The following CAMK2D variants were observed in gnomAD, a reference collection of about 807,000 sequenced individuals.
The protein encoded by CAMK2D is calcium/calmodulin-dependent protein kinase type II subunit delta.
CAMK2D carries 37 observed loss-of-function variants against 84.0 expected under a neutral mutation model. The observed-to-expected ratio is 0.44, with a 90% CI of 0.34 to 0.58. The LOEUF is 0.58. Ranked by LOEUF, CAMK2D falls within the 20% of genes least tolerant of loss-of-function variation. The pLI is 0.02. For synonymous variants in CAMK2D, 202 were observed against 212.5 expected (o/e 0.95, Z 0.43); for missense variants, 448 against 652.5 (o/e 0.69, Z 3.41).
At chr4:113,583,776 A>G (rs2098821769) in intron 4 of CAMK2D, among the ~76,000 whole-genome samples, 1 of 152,208 alleles carries the variant, frequency 6.6e-6, no homozygotes, top group South Asian at 2.1e-4. Flanking sequence ...TTCATATTAC[A>G]CACACATGTA....
chr4:113,644,938 C>T (rs1251972575), intron 3 of CAMK2D, among the ~76,000 whole-genome samples: 1 of 152,152 alleles, frequency 6.6e-6, no homozygotes. Flanking sequence ...GAAACTATAG[C>T]TCAATTGCCA....
intron 4 of CAMK2D, among the ~76,000 whole-genome samples, chr4:113,567,168 C>CCTT (rs2098729220): frequency 7.7e-6 from 1 of 129,388 alleles, no homozygotes; most frequent in Admixed American, 9.1e-5. Context: ...TTTTCTTTTC[C>CCTT]TTTTTTTTTT....
chr4:113,458,809 G>C (rs1394953773), intron 18 of CAMK2D, among the ~76,000 whole-genome samples: 1 of 152,178 alleles, frequency 6.6e-6, no homozygotes, highest in Non-Finnish European at 1.5e-5. Context: ...TACTGAAAGT[G>C]ATGTGATTAT....
intron 4 of CAMK2D, among the ~76,000 whole-genome samples, chr4:113,606,032 T>C (rs62315023): frequency 0.07 from 10,681 of 152,176 alleles, 469 homozygotes; most frequent in Non-Finnish European, 0.096. Context: ...TACGGATTTT[T>C]AATCAGCCAT....
chr4:113,466,972 C>A (rs2097481277), intron 16 of CAMK2D, among the ~76,000 whole-genome samples: 1 of 152,110 alleles, frequency 6.6e-6, no homozygotes, highest in Admixed American at 6.6e-5. Context: ...TCTTGTATAG[C>A]CTAAAAAGCT....
rs532795233 is a variant in CAMK2D, at chr4:113,660,697, A to G, written c.220+1016T>C. Among the ~76,000 whole-genome samples the G allele has an allele frequency of 1.9e-4, 28 of 151,112 alleles. 1 individual carries two copies. The South Asian group carries it at 5.9e-3, about 32-fold the overall frequency. On this transcript the variant is annotated intron_variant, in intron 3 of 20. Coordinates refer to ENST00000511664, the MANE Select transcript of CAMK2D (RefSeq NM_001321571.2). ...TAAACCACCGCACCTGGCCTAAAGT[A>G]AACTTTCTACAGGATATATGGAATG...
At chr4:113,638,622 T>C (rs966038970) in intron 3 of CAMK2D, among the ~76,000 whole-genome samples, 1 of 152,100 alleles carries the variant, frequency 6.6e-6, no homozygotes, top group Non-Finnish European at 1.5e-5. Flanking sequence ...ATAGAGGAAT[T>C]TCACTCTCAG....
chr4:113,647,964 G>C (rs141857898), intron 3 of CAMK2D, among the ~76,000 whole-genome samples: 1 of 152,128 alleles, frequency 6.6e-6, no homozygotes, highest in Admixed American at 6.5e-5. Context: ...TGCACATTTG[G>C]CACTACAACT....
chr4:113,654,127 ATC>A (rs913038720), intron 3 of CAMK2D, among the ~76,000 whole-genome samples: 2 of 152,038 alleles, frequency 1.3e-5, no homozygotes, highest in Non-Finnish European at 2.9e-5. Flanking sequence ...TGTGTTTTTC[ATC>A]TCTTTTTAGA....
At chr4:113,670,287 A>C (rs2099274943) in intron 2 of CAMK2D, among the ~76,000 whole-genome samples, 1 of 150,200 alleles carries the variant, frequency 6.7e-6, no homozygotes, top group African/African-American at 2.5e-5. Context: ...GTCTCAAAAA[A>C]TAAATAAATA....
chr4:113,454,086 TA>T lies in CAMK2D; in HGVS notation c.*458del, dbSNP rs34145709. Reference sequence around the variant, plus strand: ...CTGAAGGTGTATTTTTTTTTTACCTTAAAAAAAAAAAAAAAAACCAAACAAA... The same window carrying T: ...CTGAAGGTGTATTTTTTTTTTACCTTAAAAAAAAAAAAAAAACCAAACAAA... On this transcript the variant is annotated 3_prime_UTR_variant, in exon 21 of 21. Transcript: ENST00000511664. 427 of 131,206 alleles carry T rather than the reference TA, an allele frequency of 3.3e-3. No homozygotes were observed. The highest frequency in any genetic ancestry group is 0.012 in the Middle Eastern group (3 of 256). 8.1% of individuals were successfully genotyped at this position (131,206 alleles called of 1,614,324 possible). A position where few individuals can be genotyped will look rare whatever the true frequency, so the allele number is the denominator to read the frequency against.
chr4:113,708,732 TTTG>T (rs2099473163), intron 2 of CAMK2D, among the ~76,000 whole-genome samples: 1 of 152,140 alleles, frequency 6.6e-6, no homozygotes, highest in South Asian at 2.1e-4. Flanking sequence ...TGTTGTTCTT[TTTG>T]TTGTTTTTTG....
chr4:113,515,791 T>C (rs2098276337), intron 9 of CAMK2D, among the ~76,000 whole-genome samples: 1 of 152,162 alleles, frequency 6.6e-6, no homozygotes, highest in Admixed American at 6.5e-5. Context: ...ATTTTAACCC[T>C]TCAAGAAGTT....
intron 16 of CAMK2D, 128 bp downstream of exon 16, chr4:113,500,334 TA>T (rs1446604584): frequency 6.0e-6 from 3 of 496,636 alleles, no homozygotes; most frequent in Non-Finnish European, 1.1e-5. Flanking sequence ...TTTTTACTCA[TA>T]AATAAAATAT....
intron 2 of CAMK2D, among the ~76,000 whole-genome samples, chr4:113,685,407 T>C (rs1349872545): frequency 6.6e-6 from 1 of 151,854 alleles, no homozygotes; most frequent in Non-Finnish European, 1.5e-5. Flanking sequence ...ACTTGGTAAT[T>C]TTCATATTTT....
chr4:113,587,470 TA>T (rs2098839209), intron 4 of CAMK2D, among the ~76,000 whole-genome samples: 2 of 152,190 alleles, frequency 1.3e-5, no homozygotes, highest in Admixed American at 6.6e-5. Context: ...TCCCAGTCTC[TA>T]AAACTCTCTT....
intron 17 of CAMK2D, among the ~76,000 whole-genome samples, chr4:113,463,239 G>A (rs2097413455): frequency 6.6e-6 from 1 of 151,868 alleles, no homozygotes; most frequent in African/African-American, 2.4e-5. Context: ...AGTAATACTT[G>A]CTTATGTAAA....
chr4:113,735,959 T>C (rs1382759617), intron 2 of CAMK2D, among the ~76,000 whole-genome samples: 1 of 152,238 alleles, frequency 6.6e-6, no homozygotes, highest in Non-Finnish European at 1.5e-5. Context: ...ATCCTCTTTG[T>C]TGGAGCATCA....
intron 2 of CAMK2D, among the ~76,000 whole-genome samples, chr4:113,698,784 G>A (rs1318759140): frequency 6.6e-6 from 1 of 152,042 alleles, no homozygotes; most frequent in Non-Finnish European, 1.5e-5. Context: ...TTTACAGAGT[G>A]TGATCCAATT....
Sources: gnomAD v4.1 joint callset for allele counts (sites outside exome capture counted in the v4.1 genomes callset) on GRCh38, gnomAD v4.1.1 for gene constraint, MANE v1.5 for transcripts, NCBI Gene and HGNC (gene_info 2026-07-23, HGNC 2026-07-21) for gene names.